Variants in TBC1D2B observed in about 807,000 individuals in gnomAD.
TBC1D2B encodes TBC1 domain family, member 2B.
Under a neutral mutation model 100.8 loss-of-function variants are expected in TBC1D2B, and 64 were observed. That is an observed-to-expected ratio of 0.64 (90% CI 0.52 to 0.78). The LOEUF (loss-of-function observed/expected upper bound fraction) is 0.78, where lower values mean the gene tolerates loss of function less well. Ranked by LOEUF, TBC1D2B falls within the 30% of genes least tolerant of loss-of-function variation. The probability of loss-of-function intolerance (pLI) is 0.00; values close to 1 mark genes in which losing one functional copy is unlikely to be tolerated. For missense variants in TBC1D2B, 1,052 were observed against 1,218.4 expected (o/e 0.86, Z 2.03); for synonymous variants, 480 against 479.7 (o/e 1.00, Z -0.01).
At chr15:78,075,291 C>T (rs866500322) in intron 1 of TBC1D2B, among the ~76,000 whole-genome samples, 4 of 151,928 alleles carry the variant, frequency 2.6e-5, no homozygotes, top group South Asian at 2.1e-4. Context: ...CTCTTCCTCC[C>T]GGGTTCACGC....
chr15:78,028,013 G>A (rs1235906616), intron 4 of TBC1D2B, among the ~76,000 whole-genome samples: 1 of 152,184 alleles, frequency 6.6e-6, no homozygotes, highest in Non-Finnish European at 1.5e-5. Context: ...CCAGGAGACA[G>A]AAAAAATATT....
chr15:78,004,693 GA>G (rs2072020361), intron 10 of TBC1D2B, among the ~76,000 whole-genome samples: 1 of 152,058 alleles, frequency 6.6e-6, no homozygotes, highest in Non-Finnish European at 1.5e-5. Flanking sequence ...GATTTTATGG[GA>G]AAAAAATAAA....
intron 10 of TBC1D2B, among the ~76,000 whole-genome samples, chr15:78,008,649 C>A (rs370142040): frequency 2.0e-5 from 3 of 152,252 alleles, no homozygotes; most frequent in African/African-American, 7.2e-5. Context: ...TCTTGAGAGC[C>A]TGAGCTAACA....
At position 78,037,679 on chromosome 15, in the gene TBC1D2B, C is replaced by T. The variant is rs78650844; in HGVS notation, c.683+7221G>A. On this transcript the variant is annotated intron_variant, in intron 3 of 12. Transcript: ENST00000300584. The stretch of plus-strand genomic sequence containing the variant: ...TGCCCAGCCAGGCAGTCCTGCAGAA[C>T]GGGCTTCTCAAATGCAGGTGATGAC... Among the ~76,000 whole-genome samples, 23 of 152,232 alleles carry T rather than the reference C, an allele frequency of 1.5e-4. No homozygotes were observed. In the East Asian group the frequency reaches 3.5e-3, roughly 23 times the overall value.
intron 12 of TBC1D2B, among the ~76,000 whole-genome samples, chr15:77,999,774 C>T (rs1193299375): frequency 6.6e-6 from 1 of 152,208 alleles, no homozygotes; most frequent in East Asian, 1.9e-4. Flanking sequence ...ACAGAGGCCC[C>T]TCGGCCCAGG....
chr15:78,077,273 T>G lies in TBC1D2B; in HGVS notation c.360+20A>C. On this transcript the variant is annotated intron_variant, in intron 1 of 12. Transcript: ENST00000300584. ...ACGCCGGCGGAAGCGCGCGGGCGGC[T>G]TTGGGGCGAGCGGTCCCACCTTGAG... The G allele has an allele frequency of 6.9e-7, 1 of 1,446,612 alleles. No individual in the cohort carries two copies. Among genetic ancestry groups the G allele is most frequent in the Non-Finnish European group, 9.1e-7 (1 of 1,103,624 alleles). The allele number at this position is 1,446,612 out of a possible 1,614,324, so 89.6% of individuals were successfully genotyped here.
rs534681235 is a variant in TBC1D2B at position 78,019,975 on chromosome 15, G to A, written c.1471-2018C>T. On this transcript the variant is annotated intron_variant, in intron 6 of 12. Transcript: ENST00000300584. Reference sequence around the variant, plus strand: ...CATGGTCATAGCTCACTGCAGCCTCGAACTCCTGGGCATAAGTGATCCTCC... The same window carrying A: ...CATGGTCATAGCTCACTGCAGCCTCAAACTCCTGGGCATAAGTGATCCTCC... Among the ~76,000 whole-genome samples the A allele has an allele frequency of 8.5e-4, 129 of 151,394 alleles. 1 individual carries two copies. Among genetic ancestry groups the A allele is most frequent in the African/African-American group, 2.7e-3 (110 of 41,254 alleles).
chr15:78,041,685 A>G (rs1467650273), intron 3 of TBC1D2B, among the ~76,000 whole-genome samples: 3 of 152,224 alleles, frequency 2.0e-5, no homozygotes, highest in Admixed American at 2.0e-4. Context: ...AAAGCATGCC[A>G]TAAGTAAAAA....
chr15:78,059,754 C>T (rs2073504821), intron 1 of TBC1D2B, among the ~76,000 whole-genome samples: 1 of 152,112 alleles, frequency 6.6e-6, no homozygotes. Context: ...CCTCTTGGGC[C>T]CCAGAGACTC....
At chr15:78,039,784 A>ACG (rs910054180) in intron 3 of TBC1D2B, among the ~76,000 whole-genome samples, 2 of 142,154 alleles carry the variant, frequency 1.4e-5, no homozygotes, top group African/African-American at 5.2e-5. Context: ...ACACACACAC[A>ACG]CGCAATTTAC....
chr15:78,077,701 G>T lies in TBC1D2B; in HGVS notation c.-49C>A. The T allele has an allele frequency of 1.0e-6, 1 of 982,958 alleles. No individual in the cohort carries two copies. The highest frequency in any genetic ancestry group is 1.2e-6 in the Non-Finnish European group (1 of 829,298). 60.9% of individuals were successfully genotyped at this position (982,958 alleles called of 1,614,324 possible). A position where few individuals can be genotyped will look rare whatever the true frequency, so the allele number is the denominator to read the frequency against. On this transcript the variant is annotated 5_prime_UTR_variant, in exon 1 of 13. Transcript: ENST00000300584. The stretch of plus-strand genomic sequence containing the variant: ...CGCCCGCGCCCTGCGCCTCCGCGCC[G>T]CGGCCGCTGCGCCCCCTACCCCCTC...
chr15:78,022,489 T>C (rs769365901), intron 6 of TBC1D2B, among the ~76,000 whole-genome samples: 2 of 152,244 alleles, frequency 1.3e-5, no homozygotes. Flanking sequence ...CCAACTTCCA[T>C]TGGCAATGCT....
rs1239833859 is a variant in TBC1D2B, at chr15:78,016,584, C to T, written c.1737G>A (p.Glu579=). Residue 579 remains glutamate (E), a synonymous_variant, in exon 8 of 13, where the codon GAG becomes GAA. Transcript: ENST00000300584. ...LEDALQVESQ[E]QPEQAFVKPH... is the part of the protein sequence containing the mutation. ...GTTTAACAAATGCTTGCTCCGGCTG[C>T]TCTTGGCTCTCAACCTGCAGAGCAT... 4 of 1,613,096 alleles carry T rather than the reference C, an allele frequency of 2.5e-6. No individual in the cohort carries two copies. The highest frequency in any genetic ancestry group is 2.5e-6 in the Non-Finnish European group (3 of 1,179,620).
intron 1 of TBC1D2B, among the ~76,000 whole-genome samples, chr15:78,054,525 A>G (rs8025423): frequency 0.89 from 135,267 of 152,252 alleles, 60,798 homozygotes; most frequent in East Asian, 0.99. Context: ...TCCATCTTCA[A>G]AAATAAAATC....
Position 78,013,227 on chromosome 15 carries a change from A to T in TBC1D2B, c.1866T>A (p.Thr622=). 1 of 1,614,014 alleles carries T rather than the reference A, an allele frequency of 6.2e-7. No individual in the cohort carries two copies. Among genetic ancestry groups the T allele is most frequent in the South Asian group, 1.1e-5 (1 of 91,084 alleles). Residue 622 remains threonine, a synonymous_variant, in exon 9 of 13, where the codon ACT becomes ACA. Transcript: ENST00000300584. The stretch of plus-strand genomic sequence containing the variant: ...CTTCCTGGTTTTCTGTGAGGTAGAG[A>T]GTCTTCAGATCCAACGCGCGGACCT... ...VAKVRALDLK[T]LYLTENQEVS...
chr15:78,032,334 C>T (rs578101144), intron 3 of TBC1D2B, among the ~76,000 whole-genome samples: 52 of 152,134 alleles, frequency 3.4e-4, no homozygotes, highest in African/African-American at 1.2e-3. Context: ...AGCTTAAAAG[C>T]AAACTTCAAA....
intron 9 of TBC1D2B, among the ~76,000 whole-genome samples, chr15:78,009,944 C>T (rs149873940): frequency 0.042 from 6,144 of 147,514 alleles, 248 homozygotes; most frequent in South Asian, 0.22. Context: ...CACTGCACTC[C>T]GGCCTGGGCG....
rs114606349 is a variant in TBC1D2B at position 78,026,428 on chromosome 15, C to T, written c.848-931G>A. Among the ~76,000 whole-genome samples the T allele has an allele frequency of 7.8e-3, 1,192 of 152,272 alleles. 18 individuals are homozygous for T. The highest frequency in any genetic ancestry group is 0.027 in the African/African-American group (1,129 of 41,538). On this transcript the variant is annotated intron_variant, in intron 4 of 12. Coordinates refer to ENST00000300584, the MANE Select transcript of TBC1D2B (RefSeq NM_144572.2). ...TGCTCTCTTTCTCTCTTGCCTTCCA[C>T]CAAGGGACTATACAAAACAAAGGCT... is the stretch of plus-strand genomic sequence containing the variant.
At chr15:78,039,043 GA>G (rs1427126814) in intron 3 of TBC1D2B, among the ~76,000 whole-genome samples, 1 of 152,164 alleles carries the variant, frequency 6.6e-6, no homozygotes, top group Non-Finnish European at 1.5e-5. Context: ...TGCAACTGCT[GA>G]AACTCCATGG....
Sources: allele counts gnomAD v4.1 joint callset (sites outside exome capture counted in the v4.1 genomes callset), GRCh38; gene constraint gnomAD v4.1.1; transcripts MANE v1.5; gene names NCBI Gene and HGNC (gene_info 2026-07-23, HGNC 2026-07-21).